ANKS1B: variants seen among roughly 807,000 people sequenced by gnomAD.
ANKS1B encodes ankyrin repeat and sterile alpha motif domain containing 1B.
Under a neutral mutation model 148.3 loss-of-function variants are expected in ANKS1B, and 36 were observed. The ratio of observed to expected loss-of-function variants is 0.24; its 90% CI spans 0.19 to 0.32. The LOEUF is 0.32. Among genes scored for constraint, ANKS1B ranks in the 10% least tolerant of loss-of-function variants. The probability of loss-of-function intolerance (pLI) is 1.00; values close to 1 mark genes in which losing one functional copy is unlikely to be tolerated. For synonymous variants in ANKS1B, 542 were observed against 560.8 expected (o/e 0.97, Z 0.47); for missense variants, 1,157 against 1,542.6 (o/e 0.75, Z 4.19).
At chr12:98,891,278 C>T (rs2099752064) in intron 17 of ANKS1B, among the ~76,000 whole-genome samples, 1 of 151,736 alleles carries the variant, frequency 6.6e-6, no homozygotes, top group African/African-American at 2.4e-5. Context: ...GTGTGAATAC[C>T]AACACTGAGA....
At chr12:98,768,426 T>TAAAAAAA (rs386377533) in intron 25 of ANKS1B, among the ~76,000 whole-genome samples, 13 of 46,692 alleles carry the variant, frequency 2.8e-4, no homozygotes, top group South Asian at 1.4e-3. Context: ...GGGTGCTCTC[T>TAAAAAAA]AAAAAAAAAA....
chr12:98,858,506 C>A (rs2099583232), intron 17 of ANKS1B, among the ~76,000 whole-genome samples: 2 of 152,084 alleles, frequency 1.3e-5, no homozygotes, highest in Admixed American at 1.3e-4. Context: ...CCATGCCTGG[C>A]TGTTTGTATT....
chr12:99,984,150 T>C lies in ANKS1B; in HGVS notation c.88A>G (p.Ile30Val), dbSNP rs2095749885. 6.2e-7 allele frequency: 1 copy of C among 1,613,874 alleles called. No individual in the cohort carries two copies. Among genetic ancestry groups the C allele is most frequent in the Non-Finnish European group, 8.5e-7 (1 of 1,179,828 alleles). The change falls in exon 1 of 27, where the codon ATC becomes GTC. Residue 30 changes from isoleucine to valine, a missense_variant. Physicochemically the swap from Ile to Val is conservative, Grantham distance 29. Around this residue, in one of 6 missense-constraint regions of ANKS1B, gnomAD observed 164 missense variants for 232.6 expected, o/e 0.71. Transcript: ENST00000683438. ...EKLLSGRKGG[I>V]LGGGSGPLPL... ...AGGGGTCCGGATCCACCGCCCAGGATCCCTCCTTTCCTGCCAGACAGGAGT... is the reference window on the plus strand; with the variant it reads ...AGGGGTCCGGATCCACCGCCCAGGACCCCTCCTTTCCTGCCAGACAGGAGT...
chr12:99,138,002 A>T (rs187224534), intron 15 of ANKS1B, among the ~76,000 whole-genome samples: 2 of 152,306 alleles, frequency 1.3e-5, no homozygotes, highest in Admixed American at 1.3e-4. Context: ...AAACACTTAG[A>T]ATAGTGGTGC....
intron 12 of ANKS1B, among the ~76,000 whole-genome samples, chr12:99,283,006 T>C (rs1259573128): frequency 6.6e-6 from 1 of 152,126 alleles, no homozygotes; most frequent in East Asian, 1.9e-4. Flanking sequence ...GAACTAAGCC[T>C]GGAGCATTCT....
chr12:98,831,822 C>T (rs2099318479), intron 18 of ANKS1B: 2 of 584,630 alleles, frequency 3.4e-6, no homozygotes, highest in Non-Finnish European at 3.1e-6. Flanking sequence ...GATCTCTGCT[C>T]ACTGCAATGC....
chr12:99,506,540 T>A (rs1396636089), intron 9 of ANKS1B, among the ~76,000 whole-genome samples: 1 of 152,032 alleles, frequency 6.6e-6, no homozygotes, highest in East Asian at 1.9e-4. Context: ...GAAGAAATGA[T>A]GAAAGGAACT....
At chr12:99,810,216 G>A (rs2068162978) in intron 3 of ANKS1B, among the ~76,000 whole-genome samples, 1 of 151,986 alleles carries the variant, frequency 6.6e-6, no homozygotes, top group African/African-American at 2.4e-5. Flanking sequence ...AAATGCGAGT[G>A]ATATTATCAA....
intron 26 of ANKS1B, among the ~76,000 whole-genome samples, chr12:98,747,281 A>C (rs572660237): frequency 1.5e-4 from 23 of 152,336 alleles, no homozygotes; most frequent in Non-Finnish European, 3.1e-4. Flanking sequence ...ATTAAGTAAC[A>C]GGCAATAGAA....
intron 10 of ANKS1B, among the ~76,000 whole-genome samples, chr12:99,463,885 C>G (rs541753090): frequency 6.6e-6 from 1 of 152,328 alleles, no homozygotes; most frequent in African/African-American, 2.4e-5. Context: ...AAAAAGACAG[C>G]AGTAACCTCT....
At chr12:99,700,245 T>G (rs910686205) in intron 8 of ANKS1B, among the ~76,000 whole-genome samples, 2 of 152,158 alleles carry the variant, frequency 1.3e-5, no homozygotes, top group Non-Finnish European at 2.9e-5. Flanking sequence ...GTGCTTGGAA[T>G]GAACCCAGAG....
intron 17 of ANKS1B, among the ~76,000 whole-genome samples, chr12:98,989,862 C>T (rs1220985024): frequency 6.6e-6 from 1 of 151,050 alleles, no homozygotes; most frequent in African/African-American, 2.4e-5. Flanking sequence ...CACTGCATTG[C>T]AGCCTAGGTG....
At chr12:99,652,797 A>G (rs545203365) in intron 9 of ANKS1B, among the ~76,000 whole-genome samples, 1 of 152,278 alleles carries the variant, frequency 6.6e-6, no homozygotes, top group South Asian at 2.1e-4. Context: ...CCAAAACAAA[A>G]GGATAAAAAC....
intron 17 of ANKS1B, among the ~76,000 whole-genome samples, chr12:99,046,951 G>A (rs995680864): frequency 3.9e-5 from 6 of 151,994 alleles, no homozygotes; most frequent in African/African-American, 1.4e-4. Context: ...TGAACTTAAA[G>A]ACATAGCAAT....
intron 10 of ANKS1B, among the ~76,000 whole-genome samples, chr12:99,451,786 C>CGTATGTGT (rs1555437537): frequency 6.6e-6 from 1 of 150,428 alleles, no homozygotes; most frequent in African/African-American, 2.4e-5. Flanking sequence ...TGTACAGATA[C>CGTATGTGT]GTGTGTGTGT....
intron 2 of ANKS1B, among the ~76,000 whole-genome samples, chr12:99,815,078 A>G (rs11834791): frequency 0.015 from 2,352 of 151,868 alleles, 71 homozygotes; most frequent in African/African-American, 0.054. Flanking sequence ...CTTCTCCTAT[A>G]AAGCATTTCC....
At chr12:99,239,182 CA>C (rs1216592926) in intron 14 of ANKS1B, among the ~76,000 whole-genome samples, 1 of 152,070 alleles carries the variant, frequency 6.6e-6, no homozygotes, top group East Asian at 1.9e-4. Context: ...AAAGGTTAGA[CA>C]AATGGCTAAC....
intron 17 of ANKS1B, among the ~76,000 whole-genome samples, chr12:98,870,293 G>A (rs1388877937): frequency 6.6e-6 from 1 of 152,242 alleles, no homozygotes; most frequent in Non-Finnish European, 1.5e-5. Context: ...TCCCAGAGCA[G>A]TGGAAGGGTT....
intron 12 of ANKS1B, among the ~76,000 whole-genome samples, chr12:99,342,663 C>T (rs1332477542): frequency 2.0e-5 from 3 of 151,968 alleles, no homozygotes; most frequent in African/African-American, 7.2e-5. Context: ...ATTATCAAAA[C>T]ATATTGATAG....
Sources: gnomAD v4.1 joint callset for allele counts (sites outside exome capture counted in the v4.1 genomes callset) on GRCh38, gnomAD v4.1.1 for gene constraint, gnomAD v4.1.1 regional missense constraint, MANE v1.5 for transcripts, NCBI Gene and HGNC (gene_info 2026-07-23, HGNC 2026-07-21) for gene names.